The following CNTN4 variants were observed in gnomAD, a reference collection of about 807,000 sequenced individuals.
The protein encoded by CNTN4 is contactin-4.
CNTN4 carries 77 observed loss-of-function variants against 122.5 expected under a neutral mutation model. That is an observed-to-expected ratio of 0.63 (90% CI 0.52 to 0.76). CNTN4 has a LOEUF of 0.76. Ranked by LOEUF, CNTN4 falls within the 30% of genes least tolerant of loss-of-function variation. The pLI, the probability that CNTN4 is intolerant of heterozygous loss-of-function variation, is 0.00. For synonymous variants in CNTN4, 512 were observed against 447.0 expected (o/e 1.15, Z -1.83); for missense variants, 1,256 against 1,259.1 (o/e 1.00, Z 0.04).
At chr3:2,126,036 C>G (rs969167389) in intron 2 of CNTN4, among the ~76,000 whole-genome samples, 1 of 152,066 alleles carries the variant, frequency 6.6e-6, no homozygotes, top group Admixed American at 6.5e-5. Context: ...ACTAAAAGCT[C>G]TTTCCGTAGT....
chr3:2,987,490 G>A (rs1694685572), intron 13 of CNTN4, among the ~76,000 whole-genome samples: 1 of 152,214 alleles, frequency 6.6e-6, no homozygotes, highest in Non-Finnish European at 1.5e-5. Flanking sequence ...GCGTGAAAGG[G>A]ATGGAAAGAT....
chr3:2,784,286 G>A lies in CNTN4; in HGVS notation c.359-35200G>A, dbSNP rs114839022. Among the ~76,000 whole-genome samples, 1,118 of 152,210 alleles carry A rather than the reference G, an allele frequency of 7.3e-3. 21 individuals are homozygous for A. The highest frequency in any genetic ancestry group is 0.025 in the African/African-American group (1,056 of 41,540). ...TGGAGCTCATGTGTTCTCCCTTACC[G>A]CCTATACTGTTTTGAAAACAATTTA... is the stretch of plus-strand genomic sequence containing the variant. On this transcript the variant is annotated intron_variant, in intron 6 of 24. Coordinates refer to ENST00000418658, the MANE Select transcript of CNTN4 (RefSeq NM_175607.3).
At chr3:3,018,598 A>G (rs1260256714) in intron 14 of CNTN4, among the ~76,000 whole-genome samples, 1 of 152,214 alleles carries the variant, frequency 6.6e-6, no homozygotes, top group African/African-American at 2.4e-5. Context: ...CAGATTGGTT[A>G]TACTGAACAA....
At chr3:2,146,760 T>TA (rs1468492837) in intron 2 of CNTN4, among the ~76,000 whole-genome samples, 1 of 152,190 alleles carries the variant, frequency 6.6e-6, no homozygotes, top group Non-Finnish European at 1.5e-5. Context: ...ACCTTACCTA[T>TA]AAAATGGTGA....
At chr3:2,367,191 A>G (rs2045424841) in intron 3 of CNTN4, among the ~76,000 whole-genome samples, 1 of 152,216 alleles carries the variant, frequency 6.6e-6, no homozygotes, top group South Asian at 2.1e-4. Context: ...CAGAAAAAAC[A>G]CTAATCTACA....
At chr3:2,290,751 A>G (rs991365655) in intron 2 of CNTN4, among the ~76,000 whole-genome samples, 8 of 152,186 alleles carry the variant, frequency 5.3e-5, no homozygotes, top group African/African-American at 1.7e-4. Flanking sequence ...ATCATTGAGT[A>G]TATACTGCTG....
intron 4 of CNTN4, among the ~76,000 whole-genome samples, chr3:2,692,025 G>C (rs1302009077): frequency 1.3e-5 from 2 of 152,112 alleles, no homozygotes; most frequent in African/African-American, 4.8e-5. Context: ...CTGCGTCCTT[G>C]TTATTGTTAG....
intron 12 of CNTN4, among the ~76,000 whole-genome samples, chr3:2,911,631 C>A (rs569639924): frequency 6.6e-5 from 10 of 152,140 alleles, no homozygotes; most frequent in Admixed American, 3.3e-4. Flanking sequence ...TCTAATTATT[C>A]TCATAAAGAC....
chr3:2,222,728 T>G (rs1259309592), intron 2 of CNTN4, among the ~76,000 whole-genome samples: 2 of 151,950 alleles, frequency 1.3e-5, no homozygotes, highest in Non-Finnish European at 2.9e-5. Flanking sequence ...CTAGTAAAAC[T>G]TATCATTATA....
chr3:2,471,623 C>T (rs1418455966), intron 3 of CNTN4, among the ~76,000 whole-genome samples: 3 of 152,180 alleles, frequency 2.0e-5, no homozygotes, highest in Non-Finnish European at 4.4e-5. Context: ...TGTAAATCAT[C>T]TGGCTTTGTT....
At chr3:3,021,818 G>A (rs756486255) in intron 14 of CNTN4, among the ~76,000 whole-genome samples, 11 of 152,150 alleles carry the variant, frequency 7.2e-5, no homozygotes, top group Non-Finnish European at 7.4e-5. Flanking sequence ...GGCGGCTCAC[G>A]CCTGTAATCC....
chr3:2,409,537 G>A (rs2047159307), intron 3 of CNTN4, among the ~76,000 whole-genome samples: 1 of 152,050 alleles, frequency 6.6e-6, no homozygotes, highest in African/African-American at 2.4e-5. Context: ...GTGAGCCACT[G>A]TGCTCGGCCT....
chr3:2,665,254 A>T (rs1270249728), intron 4 of CNTN4, among the ~76,000 whole-genome samples: 1 of 152,174 alleles, frequency 6.6e-6, no homozygotes, highest in African/African-American at 2.4e-5. Flanking sequence ...CAGAATTTGT[A>T]CTTTTTTATT....
intron 10 of CNTN4, among the ~76,000 whole-genome samples, chr3:2,893,643 C>G (rs983263778): frequency 1.3e-5 from 2 of 151,900 alleles, no homozygotes; most frequent in African/African-American, 4.8e-5. Context: ...AAGTCCTCAC[C>G]TAATAAGAAA....
chr3:2,648,999 C>A lies in CNTN4; in HGVS notation c.55+77441C>A, dbSNP rs537110700. Among the ~76,000 whole-genome samples, 4 of 152,304 alleles carry A rather than the reference C, an allele frequency of 2.6e-5. No individual in the cohort carries two copies. In the East Asian group the frequency reaches 7.7e-4, roughly 29 times the overall value. On this transcript the variant is annotated intron_variant, in intron 4 of 24. Transcript: ENST00000418658. ...ATTCAACATTCTCTTAAGCGAAAGC[C>A]TAATCCAAAGCAAGGCCCTAATTCT...
intron 13 of CNTN4, among the ~76,000 whole-genome samples, chr3:2,961,231 C>CAAAAAAAAAAAAAAAAAAAAAAA (rs59790353): frequency 5.4e-5 from 2 of 37,250 alleles, no homozygotes; most frequent in African/African-American, 1.0e-4. Flanking sequence ...CTCCATCTCA[C>CAAAAAAAAAAAAAAAAAAAAAAA]AAAAAAAAAA....
rs541276509 is a variant in CNTN4, at chr3:2,486,428, A to G, written c.-88-84988A>G. On this transcript the variant is annotated intron_variant, in intron 3 of 24. Transcript: ENST00000418658. ...AAGGTAGTAAACATCTGACTAGAAC[A>G]TTATGATCAAAATAGTGAAATGTTT... 2.0e-5 allele frequency among the ~76,000 whole-genome samples: 3 copies of G among 152,332 alleles called. No individual in the cohort carries two copies. The South Asian group carries it at 6.2e-4, about 32-fold the overall frequency.
rs371316447 is a variant in CNTN4, at chr3:2,480,700, C to T, written c.-88-90716C>T. On this transcript the variant is annotated intron_variant, in intron 3 of 24. Coordinates refer to ENST00000418658, the MANE Select transcript of CNTN4 (RefSeq NM_175607.3). The stretch of plus-strand genomic sequence containing the variant: ...TTTTTCCCAACTTGATCTATAGATT[C>T]GATGCAGTCCCAATCAAAATCCCAG... Among the ~76,000 whole-genome samples the T allele has an allele frequency of 1.4e-4, 21 of 152,274 alleles. 1 individual carries two copies. In the South Asian group the frequency reaches 2.7e-3, roughly 20 times the overall value.
At chr3:2,866,664 C>T in intron 7 of CNTN4, 88 bp from the exon 8 acceptor site, 1 of 1,324,358 alleles carries the variant, frequency 7.6e-7, no homozygotes, top group South Asian at 1.2e-5. Context: ...ACAATGTATA[C>T]ATTTTTAACC....
Sources: gnomAD v4.1 joint callset for allele counts (sites outside exome capture counted in the v4.1 genomes callset) on GRCh38, gnomAD v4.1.1 for gene constraint, MANE v1.5 for transcripts, NCBI Gene and HGNC (gene_info 2026-07-23, HGNC 2026-07-21) for gene names.